Variants in FAM135B observed in about 807,000 individuals in gnomAD.
FAM135B encodes family with sequence similarity 135 member B, also known as protein FAM135B.
In FAM135B, 43 loss-of-function variants were observed where a neutral mutation model predicts 127.7. The ratio of observed to expected loss-of-function variants is 0.34; its 90% CI spans 0.26 to 0.43. The LOEUF is 0.43. Among genes scored for constraint, FAM135B ranks in the 20% least tolerant of loss-of-function variants. The pLI is 1.00. For synonymous variants in FAM135B, 670 were observed against 665.1 expected (o/e 1.01, Z -0.11); for missense variants, 1,558 against 1,725.6 (o/e 0.90, Z 1.72).
chr8:138,389,578 C>A (rs976377200), intron 1 of FAM135B, among the ~76,000 whole-genome samples: 1 of 152,172 alleles, frequency 6.6e-6, no homozygotes, highest in Non-Finnish European at 1.5e-5. Context: ...AAAGGACAAA[C>A]ACTGTATGAT....
chr8:138,297,834 G>C (rs964732418), intron 3 of FAM135B, among the ~76,000 whole-genome samples: 1 of 152,174 alleles, frequency 6.6e-6, no homozygotes, highest in Admixed American at 6.5e-5. Context: ...TGGATAAGGG[G>C]GTCAGGATGA....
At chr8:138,340,682 G>T (rs1330172924) in intron 2 of FAM135B, among the ~76,000 whole-genome samples, 1 of 152,020 alleles carries the variant, frequency 6.6e-6, no homozygotes, top group Non-Finnish European at 1.5e-5. Context: ...AGGGTTCCTC[G>T]TGGTCCAGCT....
At chr8:138,212,975 CG>C (rs1290188350) in intron 7 of FAM135B, among the ~76,000 whole-genome samples, 3 of 152,120 alleles carry the variant, frequency 2.0e-5, no homozygotes, top group Non-Finnish European at 4.4e-5. Context: ...AATGTGTACA[CG>C]TTTCTTAAAA....
chr8:138,289,497 A>G lies in FAM135B; in HGVS notation c.157+21344T>C, dbSNP rs1027718044. ...AAAGCTGTGGCCCTGGACATTTCTC[A>G]GAAGTGGTTCCAGCTCGGTGGTATC... On this transcript the variant is annotated intron_variant, in intron 3 of 19. Coordinates refer to ENST00000395297, the MANE Select transcript of FAM135B (RefSeq NM_015912.4). 7.2e-4 allele frequency among the ~76,000 whole-genome samples: 109 copies of G among 152,342 alleles called. 1 individual carries two copies. Among genetic ancestry groups the G allele is most frequent in the Middle Eastern group, 3.4e-3 (1 of 294 alleles).
intron 12 of FAM135B, among the ~76,000 whole-genome samples, chr8:138,154,463 C>T (rs998443098): frequency 7.9e-5 from 12 of 152,058 alleles, no homozygotes; most frequent in African/African-American, 2.2e-4. Context: ...GACGGAAGTA[C>T]GCTTCAGATG....
Position 138,141,928 on chromosome 8 carries a change from C to G in FAM135B, c.3639-579G>C, listed in dbSNP as rs1817192740. 6.6e-6 allele frequency among the ~76,000 whole-genome samples: 1 copy of G among 152,128 alleles called. No individual in the cohort carries two copies. Among genetic ancestry groups the G allele is most frequent in the Non-Finnish European group, 1.5e-5 (1 of 68,022 alleles). ...AAGTTAAATACTTATTTATTGAGAG[C>G]CTATTATATGAGAGGCTATACCTCC... On this transcript the variant is annotated intron_variant, in intron 16 of 19. Transcript: ENST00000395297. This position sits in a 1 kb window ranked among gnomAD's most constrained non-coding sequence, Gnocchi z 4.7.
At chr8:138,477,151 C>T (rs1355935985) in intron 1 of FAM135B, among the ~76,000 whole-genome samples, 3 of 152,178 alleles carry the variant, frequency 2.0e-5, no homozygotes, top group Admixed American at 2.0e-4. Flanking sequence ...ACCCGTGATT[C>T]CTGAGTTGGC....
chr8:138,357,576 A>T (rs1830171245), intron 2 of FAM135B, among the ~76,000 whole-genome samples: 1 of 152,158 alleles, frequency 6.6e-6, no homozygotes, highest in Non-Finnish European at 1.5e-5. Context: ...ACATACACAG[A>T]TACATATATG....
chr8:138,293,591 G>A (rs1250353503), intron 3 of FAM135B, among the ~76,000 whole-genome samples: 2 of 152,010 alleles, frequency 1.3e-5, no homozygotes, highest in Admixed American at 6.6e-5. Flanking sequence ...CAAATGACAC[G>A]AATAGACATT....
At chr8:138,486,613 T>C (rs1422615093) in intron 1 of FAM135B, among the ~76,000 whole-genome samples, 1 of 152,164 alleles carries the variant, frequency 6.6e-6, no homozygotes, top group Non-Finnish European at 1.5e-5. Flanking sequence ...GCCTGGGCCC[T>C]GGCCTCAAGG....
chr8:138,441,946 A>AG (rs1835795425), intron 1 of FAM135B, among the ~76,000 whole-genome samples: 1 of 151,872 alleles, frequency 6.6e-6, no homozygotes, highest in South Asian at 2.1e-4. Context: ...GGAGGAAATA[A>AG]GGGGGAAAAA....
intron 4 of FAM135B, among the ~76,000 whole-genome samples, chr8:138,261,852 T>C (rs563309748): frequency 2.6e-5 from 4 of 152,330 alleles, no homozygotes; most frequent in Admixed American, 6.5e-5. Context: ...TTCACAATGA[T>C]GTCTATGTGC....
At chr8:138,440,618 A>G (rs960315783) in intron 1 of FAM135B, 2 of 151,898 alleles carry the variant, frequency 1.3e-5, no homozygotes, top group Non-Finnish European at 2.9e-5. Flanking sequence ...TTCCAGAGCC[A>G]GACCACAAAC....
intron 9 of FAM135B, among the ~76,000 whole-genome samples, chr8:138,184,415 CTCTG>C (rs934649382): frequency 1.3e-5 from 2 of 152,166 alleles, no homozygotes; most frequent in Non-Finnish European, 2.9e-5. Flanking sequence ...CTGCAGCACA[CTCTG>C]TATGGGAGGA....
At chr8:138,420,514 A>G (rs562744911) in intron 1 of FAM135B, among the ~76,000 whole-genome samples, 8 of 152,112 alleles carry the variant, frequency 5.3e-5, no homozygotes, top group Non-Finnish European at 8.8e-5. Flanking sequence ...GGCCAGCATC[A>G]TTCTATTAAT....
intron 2 of FAM135B, among the ~76,000 whole-genome samples, chr8:138,366,293 T>C (rs1386587742): frequency 2.0e-5 from 3 of 152,132 alleles, no homozygotes. Flanking sequence ...CCTGACATTA[T>C]CAAAATCGCT....
Position 138,152,969 on chromosome 8 carries a change from T to A in FAM135B, c.1506A>T (p.Ile502=), listed in dbSNP as rs1020180111. The A allele has an allele frequency of 6.2e-7, 1 of 1,614,222 alleles. No individual in the cohort carries two copies. Among genetic ancestry groups the A allele is most frequent in the Non-Finnish European group, 8.5e-7 (1 of 1,180,040 alleles). Reference sequence around the variant, plus strand: ...CTTTGTTTTGAAATTCACCAATTGATATATACACCTGAGATTCAGAGCACA... The same window carrying A: ...CTTTGTTTTGAAATTCACCAATTGAAATATACACCTGAGATTCAGAGCACA... The part of the protein sequence containing the change: ...MDMCSESQVY[I]SIGEFQNKAG... The change falls in exon 13 of 20, where the codon ATA becomes ATT. Residue 502 remains isoleucine (I), a synonymous_variant. Transcript: ENST00000395297.
chr8:138,195,633 TACAC>T (rs34987954), intron 8 of FAM135B, among the ~76,000 whole-genome samples: 77 of 149,612 alleles, frequency 5.1e-4, no homozygotes, highest in Admixed American at 1.9e-3. Flanking sequence ...TTTTTGCAGG[TACAC>T]ACACACACAC....
At chr8:138,394,487 G>A (rs1396485176) in intron 1 of FAM135B, among the ~76,000 whole-genome samples, 1 of 152,188 alleles carries the variant, frequency 6.6e-6, no homozygotes, top group Non-Finnish European at 1.5e-5. Flanking sequence ...TTTGGACCCA[G>A]GATGGTGAGA....
Sources: allele counts gnomAD v4.1 joint callset (sites outside exome capture counted in the v4.1 genomes callset), GRCh38; gene constraint gnomAD v4.1.1; non-coding constraint Gnocchi (gnomAD v3.1); transcripts MANE v1.5; gene names NCBI Gene and HGNC (gene_info 2026-07-23, HGNC 2026-07-21).